Variants in CCDC7 observed in about 807,000 individuals in gnomAD.
The protein encoded by CCDC7 is coiled-coil domain containing 7.
A neutral mutation model predicts 196.9 loss-of-function variants in CCDC7; 183 were observed. The observed-to-expected ratio is 0.93, with a 90% CI of 0.82 to 1.05. The LOEUF (loss-of-function observed/expected upper bound fraction) is 1.05, where lower values mean the gene tolerates loss of function less well. Ranked by LOEUF, CCDC7 falls within the 50% of genes least tolerant of loss-of-function variation. The pLI is 0.00. For missense variants in CCDC7, 1,540 were observed against 1,482.2 expected (o/e 1.04, Z -0.64); for synonymous variants, 525 against 484.6 (o/e 1.08, Z -1.10).
intron 29 of CCDC7, among the ~76,000 whole-genome samples, chr10:32,783,421 G>A (rs529714200): frequency 6.6e-6 from 1 of 152,220 alleles, no homozygotes; most frequent in Admixed American, 6.5e-5. Flanking sequence ...AGCATCATTG[G>A]CCATTAGAGA....
intron 21 of CCDC7, among the ~76,000 whole-genome samples, chr10:32,683,934 C>T (rs548343260): frequency 5.3e-5 from 8 of 152,236 alleles, no homozygotes; most frequent in African/African-American, 1.2e-4. Context: ...GTTGGAGGCA[C>T]GAGATAGCTT....
intron 3 of CCDC7, among the ~76,000 whole-genome samples, chr10:32,461,723 A>ATG (rs2035730111): frequency 8.7e-5 from 2 of 23,098 alleles, no homozygotes; most frequent in Non-Finnish European, 2.1e-4. Context: ...ATATATATAT[A>ATG]TATATATGTA....
At chr10:32,593,556 G>T (rs1464151762) in intron 18 of CCDC7, among the ~76,000 whole-genome samples, 2 of 152,158 alleles carry the variant, frequency 1.3e-5, no homozygotes, top group Admixed American at 1.3e-4. Context: ...AGTTTAATTA[G>T]ATCCCATTTG....
rs185465617 is a variant in CCDC7 at position 32,546,641 on chromosome 10, T to A, written c.1134+2340T>A. ...CACATAAAATAGTGAATATAAAATGTACTATTTTGTAGCATTAGTTTTCTA... is the reference window on the plus strand; with the variant it reads ...CACATAAAATAGTGAATATAAAATGAACTATTTTGTAGCATTAGTTTTCTA... On this transcript the variant is annotated intron_variant, in intron 13 of 41. Coordinates refer to ENST00000639629, the Ensembl canonical transcript of CCDC7. Among the ~76,000 whole-genome samples the A allele has an allele frequency of 8.6e-4, 131 of 152,364 alleles. No individual in the cohort carries two copies. In the Middle Eastern group the frequency reaches 0.02, roughly 24 times the overall value.
At chr10:32,640,647 T>C (rs140435289) in intron 20 of CCDC7, among the ~76,000 whole-genome samples, 2,332 of 152,250 alleles carry the variant, frequency 0.015, 68 homozygotes, top group African/African-American at 0.053. Context: ...TGGCTGGTAC[T>C]GGTTGTTCCT....
chr10:32,501,782 A>C (rs551650248), intron 9 of CCDC7, among the ~76,000 whole-genome samples: 2 of 152,120 alleles, frequency 1.3e-5, no homozygotes, highest in African/African-American at 4.8e-5. Context: ...ATCGGCCCCT[A>C]CTGGGAGGTA....
At chr10:32,610,653 A>T (rs2062021561) in intron 18 of CCDC7, among the ~76,000 whole-genome samples, 1 of 152,068 alleles carries the variant, frequency 6.6e-6, no homozygotes. Flanking sequence ...ACTCCCACTT[A>T]TGAATGAGAA....
chr10:32,603,420 A>G (rs1253126001), intron 18 of CCDC7, among the ~76,000 whole-genome samples: 1 of 152,148 alleles, frequency 6.6e-6, no homozygotes, highest in Non-Finnish European at 1.5e-5. Flanking sequence ...AGGATGGTGT[A>G]GGTATTCCTT....
chr10:32,593,362 G>A (rs370207277), intron 18 of CCDC7, among the ~76,000 whole-genome samples: 6 of 152,134 alleles, frequency 3.9e-5, no homozygotes, highest in Admixed American at 1.3e-4. Flanking sequence ...AGAAGTGTCT[G>A]TTCATATCCT....
intron 28 of CCDC7, among the ~76,000 whole-genome samples, chr10:32,739,309 A>G (rs142618318): frequency 6.6e-6 from 1 of 151,918 alleles, no homozygotes; most frequent in East Asian, 1.9e-4. Context: ...AGATCTCGGT[A>G]TTCTGTTTAT....
chr10:32,472,495 G>T, exon 7 of CCDC7: 1 of 1,583,426 alleles, frequency 6.3e-7, no homozygotes, highest in South Asian at 1.2e-5. Flanking sequence ...AAAGAAAATC[G>T]ACCAGAAGCA....
At chr10:32,713,254 G>T (rs1015253493) in intron 25 of CCDC7, among the ~76,000 whole-genome samples, 1 of 152,206 alleles carries the variant, frequency 6.6e-6, no homozygotes, top group Non-Finnish European at 1.5e-5. Flanking sequence ...AAACTAGAAA[G>T]AATTATTTGT....
Position 32,609,547 on chromosome 10 carries a change from CT to C in CCDC7, c.1802-24703del, listed in dbSNP as rs1273318348. Among the ~76,000 whole-genome samples, 9 of 149,254 alleles carry C rather than the reference CT, an allele frequency of 6.0e-5. No homozygotes were observed. In the East Asian group the frequency reaches 1.8e-3, roughly 30 times the overall value. On this transcript the variant is annotated intron_variant, in intron 18 of 41. Coordinates refer to ENST00000639629, the Ensembl canonical transcript of CCDC7. ...AAAAATCCATTCAGTTGGTCTATAG[CT>C]TTTAAGTGGGGAACTCATTTATATT...
intron 16 of CCDC7, among the ~76,000 whole-genome samples, chr10:32,576,426 G>A (rs182072204): frequency 1.3e-5 from 2 of 152,124 alleles, no homozygotes; most frequent in East Asian, 3.9e-4. Flanking sequence ...TGGTACGGTA[G>A]CCTATAGCTT....
At chr10:32,692,542 C>T (rs972460701) in intron 23 of CCDC7, among the ~76,000 whole-genome samples, 2 of 152,124 alleles carry the variant, frequency 1.3e-5, no homozygotes, top group Admixed American at 1.3e-4. Flanking sequence ...TCCCCATCAC[C>T]CTTCCACTGA....
chr10:32,606,382 A>T (rs1056038516), intron 18 of CCDC7, among the ~76,000 whole-genome samples: 9 of 152,216 alleles, frequency 5.9e-5, no homozygotes, highest in Non-Finnish European at 2.9e-5. Flanking sequence ...AGTCCCCAAC[A>T]GGGTACTGCC....
At chr10:32,657,345 C>A (rs972244872) in intron 20 of CCDC7, among the ~76,000 whole-genome samples, 1 of 152,234 alleles carries the variant, frequency 6.6e-6, no homozygotes, top group Non-Finnish European at 1.5e-5. Flanking sequence ...TGAATGCTCC[C>A]CACCTGCAGC....
At chr10:32,715,622 C>T (rs937387601) in intron 25 of CCDC7, among the ~76,000 whole-genome samples, 4 of 152,186 alleles carry the variant, frequency 2.6e-5, no homozygotes, top group Admixed American at 2.6e-4. Flanking sequence ...GGAGCATGTT[C>T]TAACCCAATG....
chr10:32,846,249 A>G (rs2093287444), intron 36 of CCDC7, 127 bp from the exon 38 acceptor site: 7 of 644,638 alleles, frequency 1.1e-5, no homozygotes, highest in Non-Finnish European at 1.9e-5. Flanking sequence ...ATAGGTACCT[A>G]TATCATAGTG....
Sources: allele counts gnomAD v4.1 joint callset (sites outside exome capture counted in the v4.1 genomes callset), GRCh38; gene constraint gnomAD v4.1.1; transcripts MANE v1.5; gene names NCBI Gene and HGNC (gene_info 2026-07-23, HGNC 2026-07-21).